Variants in ADIPOR2 observed in about 807,000 individuals in gnomAD.
ADIPOR2 encodes adiponectin receptor protein 2.
A neutral mutation model predicts 40.9 loss-of-function variants in ADIPOR2; 18 were observed. The observed-to-expected ratio is 0.44, with a 90% confidence interval of 0.30 to 0.65. The LOEUF is 0.65. ADIPOR2 is among the 30% of genes least tolerant of loss of function. The pLI, the probability that ADIPOR2 is intolerant of heterozygous loss-of-function variation, is 0.09. For synonymous variants in ADIPOR2, 165 were observed against 166.4 expected, an observed-to-expected ratio of 0.99 and a Z score of 0.06; for missense variants, 283 against 479.2, an observed-to-expected ratio of 0.59 and a Z score of 3.82.
intron 2 of ADIPOR2, among the ~76,000 whole-genome samples, chr12:1,770,545 GA>G (rs1862476121): frequency 1.3e-5 from 2 of 152,018 alleles, no homozygotes; most frequent in Non-Finnish European, 2.9e-5. Flanking sequence ...AATTTTAATG[GA>G]ATTTTGTCAT....
chr12:1,757,690 A>G lies in ADIPOR2; in HGVS notation c.171+3176A>G. 3 of 1,316,300 alleles carry G rather than the reference A, an allele frequency of 2.3e-6. No individual in the cohort carries two copies. In the Admixed American group the frequency reaches 5.1e-5, roughly 22 times the overall value. 81.5% of individuals were successfully genotyped at this position (1,316,300 alleles called of 1,614,324 possible). A position where few individuals can be genotyped will look rare whatever the true frequency, so the allele number is the denominator to read the frequency against. ...CTCAGGTGTAATAGGATGTACAGCA[A>G]AGCGACCCTTGGTGTCATAGATGAG... is the stretch of plus-strand genomic sequence containing the variant. On this transcript the variant is annotated intron_variant, in intron 2 of 7. Transcript: ENST00000357103.
intron 7 of ADIPOR2, 45 bp from the exon 8 acceptor site, chr12:1,785,899 A>G (rs1365078984): frequency 6.2e-7 from 1 of 1,607,144 alleles, no homozygotes; most frequent in South Asian, 1.1e-5. Flanking sequence ...AGTCTTAATA[A>G]TGTATGGGTT....
At chr12:1,739,874 G>T (rs1191302650) in intron 1 of ADIPOR2, among the ~76,000 whole-genome samples, 9 of 152,226 alleles carry the variant, frequency 5.9e-5, no homozygotes, top group Non-Finnish European at 1.3e-4. Context: ...GCTGAGGTGG[G>T]TAGATCACCT....
chr12:1,736,820 T>C (rs140063861), intron 1 of ADIPOR2, among the ~76,000 whole-genome samples: 73 of 152,382 alleles, frequency 4.8e-4, no homozygotes, highest in African/African-American at 1.7e-3. Flanking sequence ...GTGTCTTTGT[T>C]CTCATTGGTT....
chr12:1,763,978 C>T (rs1488138660), intron 2 of ADIPOR2, among the ~76,000 whole-genome samples: 3 of 151,856 alleles, frequency 2.0e-5, no homozygotes, highest in Non-Finnish European at 2.9e-5. Context: ...GACCCTGGCT[C>T]AAAACAAAAA....
chr12:1,747,594 G>A (rs1447516088), intron 1 of ADIPOR2, among the ~76,000 whole-genome samples: 1 of 152,090 alleles, frequency 6.6e-6, no homozygotes, highest in African/African-American at 2.4e-5. Context: ...TTCTTTTAAG[G>A]GGGATCTTCC....
At chr12:1,709,169 G>T (rs2094670768) in intron 1 of ADIPOR2, among the ~76,000 whole-genome samples, 1 of 152,096 alleles carries the variant, frequency 6.6e-6, no homozygotes, top group South Asian at 2.1e-4. Context: ...AGTTTGTGTT[G>T]TATTAAATAT....
chr12:1,703,344 G>T (rs931738218), intron 1 of ADIPOR2, among the ~76,000 whole-genome samples: 11 of 152,028 alleles, frequency 7.2e-5, no homozygotes, highest in African/African-American at 2.4e-4. Flanking sequence ...CATATAGAAG[G>T]GTCTGAAAAT....
At chr12:1,714,478 T>C (rs2094683755) in intron 1 of ADIPOR2, among the ~76,000 whole-genome samples, 1 of 152,092 alleles carries the variant, frequency 6.6e-6, no homozygotes, top group African/African-American at 2.4e-5. Flanking sequence ...AACAGGGAAG[T>C]ATATTTTCTT....
intron 2 of ADIPOR2, among the ~76,000 whole-genome samples, chr12:1,767,724 A>T (rs1040137631): frequency 2.0e-5 from 3 of 152,188 alleles, no homozygotes; most frequent in African/African-American, 7.2e-5. Context: ...TTTCAGAAAG[A>T]AAGTATTGGA....
intron 1 of ADIPOR2, among the ~76,000 whole-genome samples, chr12:1,743,242 A>AAAAAAAC (rs1555169155): frequency 7.4e-6 from 1 of 134,560 alleles, no homozygotes; most frequent in Non-Finnish European, 1.6e-5. Context: ...AAAAAAAAAA[A>AAAAAAAC]AAAACAAAGC....
At chr12:1,728,278 A>G (rs1017489764) in intron 1 of ADIPOR2, among the ~76,000 whole-genome samples, 1 of 151,506 alleles carries the variant, frequency 6.6e-6, no homozygotes, top group Non-Finnish European at 1.5e-5. Flanking sequence ...ACGCCCGGCT[A>G]ATTTTTGTAT....
At chr12:1,692,904 C>T (rs112293562) in intron 1 of ADIPOR2, among the ~76,000 whole-genome samples, 7,777 of 152,148 alleles carry the variant, frequency 0.051, 649 homozygotes, top group African/African-American at 0.18. Flanking sequence ...CTGGTAATCC[C>T]AGCACTTTGG....
chr12:1,745,008 AAAAG>A (rs2094751865), intron 1 of ADIPOR2, among the ~76,000 whole-genome samples: 1 of 152,162 alleles, frequency 6.6e-6, no homozygotes, highest in African/African-American at 2.4e-5. Flanking sequence ...TTCGGAAACA[AAAAG>A]AAGTCAGAAG....
intron 1 of ADIPOR2, among the ~76,000 whole-genome samples, chr12:1,714,677 G>A (rs1435612500): frequency 1.3e-5 from 2 of 152,098 alleles, no homozygotes; most frequent in East Asian, 3.9e-4. Flanking sequence ...GATCCACACT[G>A]AGAATGGCTT....
chr12:1,748,278 T>A (rs1211146986), intron 1 of ADIPOR2, among the ~76,000 whole-genome samples: 4 of 152,270 alleles, frequency 2.6e-5, no homozygotes, highest in South Asian at 4.1e-4. Context: ...AGACGGAGTC[T>A]CTCTCTGTCG....
At chr12:1,746,457 C>T (rs1390015957) in intron 1 of ADIPOR2, among the ~76,000 whole-genome samples, 1 of 152,020 alleles carries the variant, frequency 6.6e-6, no homozygotes, top group African/African-American at 2.4e-5. Context: ...CATTGCACTC[C>T]ACCCTGGGCG....
intron 1 of ADIPOR2, among the ~76,000 whole-genome samples, chr12:1,692,456 TTGG>T (rs1313403356): frequency 1.3e-5 from 2 of 152,208 alleles, no homozygotes; most frequent in Non-Finnish European, 2.9e-5. Context: ...CAGCTGCTTG[TTGG>T]TGAATTATGA....
intron 1 of ADIPOR2, among the ~76,000 whole-genome samples, chr12:1,744,524 A>T (rs1195003560): frequency 6.6e-6 from 1 of 151,842 alleles, no homozygotes; most frequent in East Asian, 1.9e-4. Flanking sequence ...TTTTGTAGAG[A>T]TGGGGTTTCA....
Sources: allele counts gnomAD v4.1 joint callset (sites outside exome capture counted in the v4.1 genomes callset), GRCh38; gene constraint gnomAD v4.1.1; transcripts MANE v1.5; gene names NCBI Gene and HGNC (gene_info 2026-07-23, HGNC 2026-07-21).